TBC1D19: variants seen among roughly 807,000 people sequenced by gnomAD.
TBC1D19 encodes TBC1 domain family, member 19.
In TBC1D19, 60 loss-of-function variants were observed where a neutral mutation model predicts 89.0. The ratio of observed to expected loss-of-function variants is 0.67; its 90% CI spans 0.55 to 0.84. The LOEUF is 0.84. TBC1D19 is among the 40% of genes least tolerant of loss of function. The pLI is 0.00. For synonymous variants in TBC1D19, 189 were observed against 199.7 expected (o/e 0.95, Z 0.45); for missense variants, 500 against 610.8 (o/e 0.82, Z 1.91).
intron 15 of TBC1D19, among the ~76,000 whole-genome samples, chr4:26,724,030 G>A (rs886896142): frequency 6.6e-6 from 1 of 152,206 alleles, no homozygotes; most frequent in African/African-American, 2.4e-5. Flanking sequence ...AATATGAACA[G>A]AGACAGACTA....
intron 1 of TBC1D19, among the ~76,000 whole-genome samples, chr4:26,600,099 C>T (rs564077037): frequency 6.6e-6 from 1 of 151,384 alleles, no homozygotes. Flanking sequence ...ATGTTATTTT[C>T]ATTCCATTAA....
intron 9 of TBC1D19, among the ~76,000 whole-genome samples, chr4:26,671,251 C>T (rs1332157336): frequency 6.6e-6 from 1 of 151,664 alleles, no homozygotes; most frequent in Non-Finnish European, 1.5e-5. Context: ...TTGTGTATTT[C>T]ATAGTGGTTT....
In TBC1D19 at chr4:26,720,062, C is replaced by T; in HGVS notation, c.1040-19C>T. Reference sequence around the variant, plus strand: ...ATTTACTTAATCATATTGAAATCCTCTATGGTTTTCTCTTATAGGAAAACT... The same window carrying T: ...ATTTACTTAATCATATTGAAATCCTTTATGGTTTTCTCTTATAGGAAAACT... On this transcript the variant is annotated intron_variant, in intron 14 of 20. Coordinates refer to ENST00000264866, the MANE Select transcript of TBC1D19 (RefSeq NM_018317.4). 6.3e-7 allele frequency: 1 copy of T among 1,577,076 alleles called. No homozygotes were observed. Among genetic ancestry groups the T allele is most frequent in the Non-Finnish European group, 8.6e-7 (1 of 1,162,376 alleles).
chr4:26,704,955 T>A (rs1018430491), intron 13 of TBC1D19, among the ~76,000 whole-genome samples: 1 of 152,126 alleles, frequency 6.6e-6, no homozygotes, highest in African/African-American at 2.4e-5. Context: ...ATAGTAGCCA[T>A]CCTAATGGGT....
chr4:26,757,424 G>C (rs1038791088), downstream of TBC1D19, among the ~76,000 whole-genome samples: 6 of 152,136 alleles, frequency 3.9e-5, no homozygotes, highest in African/African-American at 1.4e-4. Context: ...CTTCACATCT[G>C]CTCTGCCAGT....
intron 10 of TBC1D19, 107 bp from the exon 11 acceptor site, chr4:26,673,669 G>C (rs910382134): frequency 1.3e-6 from 1 of 754,180 alleles, no homozygotes; most frequent in East Asian, 2.7e-5. Flanking sequence ...AATTATGTTA[G>C]ATAGAAAGAC....
At chr4:26,823,333 G>A in the TBC1D19 span, among the ~76,000 whole-genome samples, 3 of 152,154 alleles carry the variant, frequency 2.0e-5, no homozygotes, top group Admixed American at 1.3e-4. Context: ...GATTTGGGTG[G>A]GGATGCAGCC....
intron 1 of TBC1D19, among the ~76,000 whole-genome samples, chr4:26,610,105 A>G (rs1464134747): frequency 4.9e-4 from 75 of 152,258 alleles, no homozygotes; most frequent in Non-Finnish European, 1.3e-4. Flanking sequence ...AGGTGGTTGC[A>G]GTAATTCAAA....
the TBC1D19 span, among the ~76,000 whole-genome samples, chr4:26,829,847 A>G: frequency 6.6e-6 from 1 of 152,182 alleles, no homozygotes; most frequent in Non-Finnish European, 1.5e-5. Flanking sequence ...GGGGTTTTGC[A>G]TTCCCGGAAT....
chr4:26,733,651 G>A (rs1717798080), intron 15 of TBC1D19, among the ~76,000 whole-genome samples: 2 of 152,122 alleles, frequency 1.3e-5, no homozygotes, highest in Admixed American at 6.5e-5. Context: ...TATTGCTTTT[G>A]ATGAGGACAT....
At chr4:26,672,318 A>G (rs967133128) in intron 10 of TBC1D19, 131 bp downstream of exon 10, 2 of 701,876 alleles carry the variant, frequency 2.8e-6, no homozygotes, top group African/African-American at 3.9e-5. Context: ...GTAATATTTA[A>G]CCATGTAGAT....
chr4:26,692,198 A>G (rs75811941), intron 13 of TBC1D19, among the ~76,000 whole-genome samples: 3,292 of 152,220 alleles, frequency 0.022, 112 homozygotes, highest in African/African-American at 0.073. Context: ...GACGGTTACA[A>G]TATCTCCACA....
chr4:26,751,466 A>G (rs1347668604), intron 19 of TBC1D19, among the ~76,000 whole-genome samples: 2 of 152,212 alleles, frequency 1.3e-5, no homozygotes, highest in African/African-American at 4.8e-5. Flanking sequence ...GAAGTGGTAA[A>G]AAATTGTTGG....
At chr4:26,657,340 G>GT (rs2109067982) in intron 7 of TBC1D19, among the ~76,000 whole-genome samples, 1 of 152,030 alleles carries the variant, frequency 6.6e-6, no homozygotes, top group Non-Finnish European at 1.5e-5. Flanking sequence ...ACAGTGTTTG[G>GT]TTTTCTGTTC....
the TBC1D19 span, among the ~76,000 whole-genome samples, chr4:26,817,295 G>A: frequency 1.5e-3 from 235 of 151,722 alleles, 1 homozygote; most frequent in African/African-American, 5.5e-3. Flanking sequence ...GCACCCCGCC[G>A]GCAGCTTAGG....
intron 1 of TBC1D19, among the ~76,000 whole-genome samples, chr4:26,600,429 C>T (rs1448460327): frequency 6.6e-6 from 1 of 152,142 alleles, no homozygotes; most frequent in Non-Finnish European, 1.5e-5. Context: ...AAGAGAAGTA[C>T]TAAAATGTGG....
chr4:26,806,971 G>C, the TBC1D19 span, among the ~76,000 whole-genome samples: 3 of 152,144 alleles, frequency 2.0e-5, no homozygotes, highest in South Asian at 6.2e-4. Context: ...ATGTCAGAAG[G>C]TTTAAGCCGC....
At chr4:26,855,279 C>T in the TBC1D19 span, among the ~76,000 whole-genome samples, 4 of 152,180 alleles carry the variant, frequency 2.6e-5, no homozygotes, top group African/African-American at 4.8e-5. Context: ...CTTCTGTGTA[C>T]GTACCTTTGT....
At chr4:26,719,277 T>C (rs1226074177) in intron 14 of TBC1D19, among the ~76,000 whole-genome samples, 3 of 152,076 alleles carry the variant, frequency 2.0e-5, no homozygotes, top group Admixed American at 2.0e-4. Context: ...TCAATCCTTT[T>C]TGTTTCCACC....
Sources: gnomAD v4.1 joint callset for allele counts (sites outside exome capture counted in the v4.1 genomes callset) on GRCh38, gnomAD v4.1.1 for gene constraint, MANE v1.5 for transcripts, NCBI Gene and HGNC (gene_info 2026-07-23, HGNC 2026-07-21) for gene names.